COL4A6: variants seen among roughly 807,000 people sequenced by gnomAD.
COL4A6 encodes collagen type IV alpha 6 chain, also known as collagen alpha-6(IV) chain.
Under a neutral mutation model 126.7 loss-of-function variants are expected in COL4A6, and 59 were observed. The observed-to-expected ratio is 0.47, with a 90% CI of 0.38 to 0.58. The LOEUF (loss-of-function observed/expected upper bound fraction) is 0.58. Ranked by LOEUF, COL4A6 falls within the 20% of genes least tolerant of loss-of-function variation. COL4A6 has a pLI of 0.00. For synonymous variants in COL4A6, 547 were observed against 496.6 expected (o/e 1.10, Z -1.35); for missense variants, 1,285 against 1,337.3 (o/e 0.96, Z 0.61).
chrX:108,188,536 T>G lies in COL4A6; in HGVS notation c.1568A>C (p.Gln523Pro). 1 of 1,144,021 alleles carries G rather than the reference T, an allele frequency of 8.7e-7. No individual in the cohort carries two copies. Among genetic ancestry groups the G allele is most frequent in the East Asian group, 3.2e-5 (1 of 31,351 alleles). The allele number at this position is 1,144,021 out of a possible 1,213,427, so 94.3% of individuals were successfully genotyped here. A position where few individuals can be genotyped will look rare whatever the true frequency, so the allele number is the denominator to read the frequency against. ...ACTTACTGGAGCCCCTGCTGGGCCC[T>G]GTGCACCCCCAGAGCCTCGATCTCC... is the stretch of plus-strand genomic sequence containing the variant. ...ARGDRGSGGA[Q>P]GPAGAPGLVG... The change falls in exon 21 of 45, where the codon CAG becomes CCG. Residue 523 changes from glutamine (Q) to proline (P), a missense_variant. Physicochemically the swap from Gln to Pro is moderately conservative, Grantham distance 76. Coordinates refer to ENST00000334504, the MANE Select transcript of COL4A6 (RefSeq NM_033641.4).
chrX:108,157,028 C>T lies in COL4A6; in HGVS notation c.5045G>A (p.Arg1682His), dbSNP rs1282722908. Residue 1682 changes from arginine (R) to histidine (H), a missense_variant, in exon 45 of 45, where the codon CGC (arginine) becomes CAC (histidine). By Grantham distance (29) the Arg-to-His change is conservative. Transcript: ENST00000334504. ...KAGQLHTRVS[R>H]CQVCMKSL ...CAGGCTTTTCATACACACCTGGCAG[C>T]GACTGACTCGAGTGTGGAGCTGCCC... The T allele has an allele frequency of 9.1e-6, 11 of 1,210,999 alleles. No homozygotes were observed. Among genetic ancestry groups the T allele is most frequent in the South Asian group, 5.3e-5 (3 of 56,838 alleles).
chrX:108,169,321 A>T (rs759118668), intron 37 of COL4A6, among the ~76,000 whole-genome samples, 174 bp downstream of exon 37: 51 of 111,865 alleles, frequency 4.6e-4, no homozygotes, highest in Non-Finnish European at 8.9e-4. Context: ...GGAAAATGCT[A>T]AGCACAGCCT....
intron 38 of COL4A6, 138 bp downstream of exon 38, chrX:108,165,232 C>T (rs1231909451): frequency 1.3e-6 from 1 of 749,709 alleles, no homozygotes; most frequent in Non-Finnish European, 2.1e-6. Context: ...CCCCTGTGTC[C>T]CCACTCGGGG....
Position 108,378,629 on chromosome X carries a change from A to T in COL4A6, c.63+59313T>A, listed in dbSNP as rs2040495507. ...TTCTGGACAATGAAATACGGGTAGG[A>T]TTCTTGTATGCCACTTCCAGGTATG... is the stretch of plus-strand genomic sequence containing the variant. On this transcript the variant is annotated intron_variant, in intron 2 of 44. Transcript: ENST00000334504. Among the ~76,000 whole-genome samples the T allele has an allele frequency of 1.8e-5, 2 of 112,424 alleles. 1 individual carries two copies. The highest frequency in any genetic ancestry group is 1.9e-4 in the Admixed American group (2 of 10,670).
At chrX:108,195,027 G>T in intron 15 of COL4A6, 55 bp downstream of exon 15, 1 of 970,834 alleles carries the variant, frequency 1.0e-6, no homozygotes, top group South Asian at 2.2e-5. Context: ...AAAGCAAGGG[G>T]GACTTTTGAT....
intron 8 of COL4A6, among the ~76,000 whole-genome samples, chrX:108,206,933 G>T (rs41298506): frequency 5.4e-5 from 6 of 111,278 alleles, no homozygotes; most frequent in Non-Finnish European, 1.1e-4. Context: ...TCAGGATTGT[G>T]GTTGCCTTTG....
At chrX:108,287,553 G>C (rs1421588794) in intron 3 of COL4A6, among the ~76,000 whole-genome samples, 1 of 111,716 alleles carries the variant, frequency 9.0e-6, no homozygotes, top group African/African-American at 3.3e-5. Flanking sequence ...CTGATGCTAT[G>C]TGAGTTATAA....
intron 2 of COL4A6, among the ~76,000 whole-genome samples, chrX:108,382,439 T>A (rs755090249): frequency 1.8e-5 from 2 of 111,785 alleles, no homozygotes; most frequent in South Asian, 7.5e-4. Flanking sequence ...GATTAATGGT[T>A]ACATTAACCC....
At chrX:108,204,573 G>A (rs764491223) in intron 11 of COL4A6, 161 bp from the exon 12 acceptor site, 4 of 551,343 alleles carry the variant, frequency 7.3e-6, no homozygotes, top group Non-Finnish European at 1.3e-5. Flanking sequence ...CTGCCAAAGG[G>A]TGAGAAGAAT....
intron 22 of COL4A6, 112 bp downstream of exon 22, chrX:108,187,736 G>C: frequency 1.4e-6 from 1 of 739,890 alleles, no homozygotes; most frequent in South Asian, 4.4e-5. Flanking sequence ...GGCAGGGCAA[G>C]GTCCTCTAGA....
At chrX:108,323,217 A>G (rs1225341612) in intron 2 of COL4A6, among the ~76,000 whole-genome samples, 3 of 112,133 alleles carry the variant, frequency 2.7e-5, no homozygotes, top group Admixed American at 9.5e-5. Flanking sequence ...GCAAGTATTT[A>G]TTGAGTGCCT....
At chrX:108,394,626 C>T (rs1569454905) in intron 2 of COL4A6, among the ~76,000 whole-genome samples, 1 of 111,480 alleles carries the variant, frequency 9.0e-6, no homozygotes, top group Non-Finnish European at 1.9e-5. Flanking sequence ...CCATATATAA[C>T]TGGGTTATGA....
At chrX:108,343,803 C>CA (rs58583772) in intron 2 of COL4A6, among the ~76,000 whole-genome samples, 664 of 36,798 alleles carry the variant, frequency 0.018, 5 homozygotes, top group East Asian at 0.076. Context: ...GGCAAAAAGC[C>CA]AAAAAAAAAA....
At chrX:108,210,093 A>G in intron 7 of COL4A6, 89 bp from the exon 8 acceptor site, 1 of 956,217 alleles carries the variant, frequency 1.0e-6, no homozygotes, top group Non-Finnish European at 1.5e-6. Flanking sequence ...AGGGACAAAA[A>G]CACATCTCTG....
chrX:108,418,966 C>T (rs766069289), intron 2 of COL4A6, among the ~76,000 whole-genome samples: 1 of 112,390 alleles, frequency 8.9e-6, no homozygotes, highest in South Asian at 3.7e-4. Context: ...TGTTTGTATA[C>T]AAGATGCTGC....
intron 3 of COL4A6, among the ~76,000 whole-genome samples, chrX:108,223,277 G>A (rs1434469196): frequency 9.0e-6 from 1 of 111,301 alleles, no homozygotes; most frequent in Non-Finnish European, 1.9e-5. Flanking sequence ...AATACCTAAT[G>A]TAAATGACGG....
At chrX:108,225,782 T>C (rs780167638) in intron 3 of COL4A6, among the ~76,000 whole-genome samples, 1 of 113,056 alleles carries the variant, frequency 8.8e-6, no homozygotes, top group East Asian at 2.8e-4. Flanking sequence ...GGCTGACTTT[T>C]CATAACTTAG....
intron 14 of COL4A6, among the ~76,000 whole-genome samples, chrX:108,196,266 G>C (rs2035211380): frequency 9.0e-6 from 1 of 111,058 alleles, no homozygotes. Context: ...TGATACATGA[G>C]AGCAAGGAGA....
At chrX:108,390,845 G>T (rs1249740548) in intron 2 of COL4A6, among the ~76,000 whole-genome samples, 1 of 111,230 alleles carries the variant, frequency 9.0e-6, no homozygotes, top group Non-Finnish European at 1.9e-5. Flanking sequence ...TTTTTGTGCT[G>T]GTTTCTCTCC....
Sources: allele counts gnomAD v4.1 joint callset (sites outside exome capture counted in the v4.1 genomes callset), GRCh38; gene constraint gnomAD v4.1.1; transcripts MANE v1.5; gene names NCBI Gene and HGNC (gene_info 2026-07-23, HGNC 2026-07-21).